Variants in KLHL3 observed in about 807,000 individuals in gnomAD.
KLHL3 encodes the protein kelch-like protein 3.
Under a neutral mutation model 70.5 loss-of-function variants are expected in KLHL3, and 19 were observed. That is an observed-to-expected ratio of 0.27 (90% CI 0.19 to 0.40). The LOEUF (loss-of-function observed/expected upper bound fraction) is 0.40, where lower values mean the gene tolerates loss of function less well. Among genes scored for constraint, KLHL3 ranks in the 10% least tolerant of loss-of-function variants. KLHL3 has a pLI of 1.00. For missense variants in KLHL3, 512 were observed against 771.1 expected, an observed-to-expected ratio of 0.66 and a Z score of 3.98; for synonymous variants, 258 against 290.3, an observed-to-expected ratio of 0.89 and a Z score of 1.13.
intron 14 of KLHL3, 30 bp downstream of exon 14, chr5:137,625,723 C>T (rs373986027): frequency 1.9e-5 from 31 of 1,613,012 alleles, no homozygotes; most frequent in Admixed American, 5.0e-5. Flanking sequence ...GGAGGCCTCT[C>T]GGATGGGCAT....
intron 13 of KLHL3, chr5:137,628,078 G>A (rs1750525782): frequency 1.8e-6 from 1 of 569,670 alleles, no homozygotes; most frequent in Non-Finnish European, 3.1e-6. Context: ...CGGGGAAAGG[G>A]GATCCTCTGC....
chr5:137,625,721 C>T (rs1750442297), intron 14 of KLHL3, 32 bp downstream of exon 14: 1 of 1,613,086 alleles, frequency 6.2e-7, no homozygotes, highest in African/African-American at 1.3e-5. Context: ...TTGGAGGCCT[C>T]TCGGATGGGC....
At chr5:137,717,528 C>G (rs1167137583) in intron 2 of KLHL3, among the ~76,000 whole-genome samples, 3 of 151,952 alleles carry the variant, frequency 2.0e-5, no homozygotes, top group Non-Finnish European at 4.4e-5. Context: ...GAAACTCTGC[C>G]TCAAAAAAAT....
At position 137,677,673 on chromosome 5, in the gene KLHL3, A is replaced by AG; in HGVS notation, c.527-20_527-19insC. 1 of 1,492,676 alleles carries AG rather than the reference A, an allele frequency of 6.7e-7. No individual in the cohort carries two copies. Among genetic ancestry groups the AG allele is most frequent in the Non-Finnish European group, 9.0e-7 (1 of 1,105,916 alleles). The allele number at this position is 1,492,676 out of a possible 1,614,324, so 92.5% of individuals were successfully genotyped here. A position where few individuals can be genotyped will look rare whatever the true frequency, so the allele number is the denominator to read the frequency against. On this transcript the variant is annotated intron_variant, in intron 5 of 14. Transcript: ENST00000309755. ...TGCTGCTCTGTTCCAAAAAAAAAAA[A>AG]AAGAAGTTAAGAAAACAAAGTTGTA...
In KLHL3 at chr5:137,661,988, G is replaced by C. The variant is rs148919274; in HGVS notation, c.680C>G (p.Thr227Ser). The C allele has an allele frequency of 6.2e-7, 1 of 1,612,792 alleles. No homozygotes were observed. The highest frequency in any genetic ancestry group is 1.3e-5 in the African/African-American group (1 of 74,684). The change falls in exon 7 of 15, where the codon ACC (threonine) becomes AGC (serine). Residue 227 changes from threonine (T) to serine (S), a missense_variant. Physicochemically the swap from Thr to Ser is moderately conservative, Grantham distance 58 (BLOSUM62 1). Transcript: ENST00000309755. ...VISWINYEKE[T>S]RLEHMAKLME... ...CAGCTTTGCCATGTGCTCTAAACGG[G>C]TTTCTTTCTCATAATTGATCCATGA...
chr5:137,674,251 T>C (rs1751831389), intron 6 of KLHL3, among the ~76,000 whole-genome samples: 1 of 152,280 alleles, frequency 6.6e-6, no homozygotes, highest in African/African-American at 2.4e-5. Context: ...AGCTATTTTT[T>C]TAGTGTCTAC....
intron 4 of KLHL3, chr5:137,692,688 G>A: frequency 2.1e-6 from 1 of 471,656 alleles, no homozygotes; most frequent in East Asian, 3.7e-5. Context: ...TTAATCCCTG[G>A]GGATCTTATT....
intron 5 of KLHL3, 36 bp downstream of exon 5, chr5:137,692,249 A>C: frequency 1.3e-6 from 2 of 1,588,650 alleles, no homozygotes; most frequent in South Asian, 2.3e-5. Flanking sequence ...AGATCCACAA[A>C]CTCGGAGGAG....
chr5:137,722,736 A>T (rs1329829281), intron 1 of KLHL3, among the ~76,000 whole-genome samples: 1 of 152,044 alleles, frequency 6.6e-6, no homozygotes, highest in East Asian at 1.9e-4. Flanking sequence ...TGGAGTGCAG[A>T]TCTTGGCTCA....
At chr5:137,696,067 C>T (rs1391931399) in intron 4 of KLHL3, among the ~76,000 whole-genome samples, 1 of 152,214 alleles carries the variant, frequency 6.6e-6, no homozygotes, top group African/African-American at 2.4e-5. Flanking sequence ...TGTGCAGGCC[C>T]CGTTTTGTTT....
chr5:137,723,995 G>A (rs1753046557), intron 1 of KLHL3, among the ~76,000 whole-genome samples: 2 of 152,068 alleles, frequency 1.3e-5, no homozygotes, highest in African/African-American at 2.4e-5. Flanking sequence ...CTTTAATCTT[G>A]CCTGTGCATC....
intron 11 of KLHL3, among the ~76,000 whole-genome samples, chr5:137,635,659 T>G (rs1472070899): frequency 6.6e-6 from 1 of 151,948 alleles, no homozygotes; most frequent in Non-Finnish European, 1.5e-5. Flanking sequence ...CAGAGTCCAC[T>G]TAAGTCCCTC....
intron 3 of KLHL3, among the ~76,000 whole-genome samples, chr5:137,701,338 G>A (rs940621159): frequency 1.3e-5 from 2 of 152,204 alleles, no homozygotes; most frequent in South Asian, 4.2e-4. Flanking sequence ...ATGAGCCACC[G>A]TGCCCGGCCA....
At chr5:137,723,270 T>G (rs931056445) in intron 1 of KLHL3, among the ~76,000 whole-genome samples, 1 of 152,210 alleles carries the variant, frequency 6.6e-6, no homozygotes, top group Non-Finnish European at 1.5e-5. Context: ...CTTGTCAAAT[T>G]CCATAAAGAA....
At chr5:137,662,589 G>T (rs1291497698) in intron 6 of KLHL3, among the ~76,000 whole-genome samples, 3 of 152,164 alleles carry the variant, frequency 2.0e-5, no homozygotes, top group African/African-American at 7.2e-5. Context: ...TCTCCTTGAG[G>T]AGAGATTTCA....
intron 3 of KLHL3, chr5:137,707,477 T>G (rs1752707735): frequency 1.3e-5 from 2 of 152,480 alleles, no homozygotes; most frequent in Middle Eastern, 2.7e-3. Context: ...TGAACTTATG[T>G]TAAAATATAT....
At chr5:137,678,916 C>G (rs970732912) in intron 5 of KLHL3, among the ~76,000 whole-genome samples, 1 of 151,916 alleles carries the variant, frequency 6.6e-6, no homozygotes, top group African/African-American at 2.4e-5. Flanking sequence ...AATATTTACA[C>G]ATAACAAGAC....
rs772861210 is a variant in KLHL3 at position 137,663,026 on chromosome 5, G to GTTA, written c.637-998_637-996dup. Among the ~76,000 whole-genome samples the GTTA allele has an allele frequency of 3.5e-5, 5 of 143,346 alleles. No homozygotes were observed. In the East Asian group the frequency reaches 6.4e-4, roughly 18 times the overall value. The allele number at this position is 143,346 out of a possible 152,430, so 94.0% of individuals were successfully genotyped here. On this transcript the variant is annotated intron_variant, in intron 6 of 14. Transcript: ENST00000309755. ...AGGAGTATCCATACCATTAGATACA[G>GTTA]TTATCCCTCAGTATCCTTGAGCACT...
chr5:137,639,194 T>A lies in KLHL3; in HGVS notation c.1022-44A>T. 7 of 1,579,962 alleles carry A rather than the reference T, an allele frequency of 4.4e-6. No individual in the cohort carries two copies. Among genetic ancestry groups the A allele is most frequent in the Non-Finnish European group, 5.2e-6 (6 of 1,154,878 alleles). On this transcript the variant is annotated intron_variant, in intron 9 of 14. Transcript: ENST00000309755. This position sits in a 1 kb window ranked among gnomAD's most constrained non-coding sequence, Gnocchi z 5.0. Reference sequence around the variant, plus strand: ...AGACATCAAGGTCAGGTCAGGCGCATGACTGCTCATGTTGATGGATGGCAA... The same window carrying A: ...AGACATCAAGGTCAGGTCAGGCGCAAGACTGCTCATGTTGATGGATGGCAA...
Sources: allele counts gnomAD v4.1 joint callset (sites outside exome capture counted in the v4.1 genomes callset), GRCh38; gene constraint gnomAD v4.1.1; non-coding constraint Gnocchi (gnomAD v3.1); transcripts MANE v1.5; gene names NCBI Gene and HGNC (gene_info 2026-07-23, HGNC 2026-07-21).